The following LRP6 variants were observed in gnomAD, a reference collection of about 807,000 sequenced individuals.
LRP6 encodes the protein LDL receptor related protein 6, also known as low-density lipoprotein receptor-related protein 6.
LRP6 carries 43 observed loss-of-function variants against 184.1 expected under a neutral mutation model. The observed-to-expected ratio is 0.23, with a 90% CI of 0.18 to 0.30. The LOEUF (loss-of-function observed/expected upper bound fraction) is 0.30. Ranked by LOEUF, LRP6 falls within the 10% of genes least tolerant of loss-of-function variation. The pLI, the probability that LRP6 is intolerant of heterozygous loss-of-function variation, is 1.00. For synonymous variants in LRP6, 719 were observed against 684.9 expected, an observed-to-expected ratio of 1.05 and a Z score of -0.78; for missense variants, 1,571 against 2,005.3, an observed-to-expected ratio of 0.78 and a Z score of 4.14.
At chr12:12,204,279 C>CAAAAAAAAAA (rs61067494) in intron 2 of LRP6, among the ~76,000 whole-genome samples, 3 of 96,218 alleles carry the variant, frequency 3.1e-5, no homozygotes, top group African/African-American at 8.1e-5. Context: ...TCATAAAAGT[C>CAAAAAAAAAA]AAAAAAAAAA....
At chr12:12,189,708 C>T (rs1863563111) in intron 3 of LRP6, among the ~76,000 whole-genome samples, 1 of 152,108 alleles carries the variant, frequency 6.6e-6, no homozygotes, top group African/African-American at 2.4e-5. Flanking sequence ...ACCATGTTGA[C>T]CAGGCTGGTC....
chr12:12,249,460 C>T lies in LRP6; in HGVS notation c.56-4805G>A, dbSNP rs1379829342. ...AAAGAAAAACCACAACACAGTGTTA[C>T]AGCAATTAATCGAAAAGAAAAACCA... On this transcript the variant is annotated intron_variant, in intron 1 of 22. Coordinates refer to ENST00000261349, the MANE Select transcript of LRP6 (RefSeq NM_002336.3). 1.9e-5 allele frequency: 13 copies of T among 701,756 alleles called. No individual in the cohort carries two copies. In the Admixed American group the frequency reaches 2.6e-4, roughly 14 times the overall value. The allele number at this position is 701,756 out of a possible 1,614,324, so 43.5% of individuals were successfully genotyped here.
chr12:12,215,081 T>C (rs1201017304), intron 2 of LRP6, among the ~76,000 whole-genome samples: 1 of 152,210 alleles, frequency 6.6e-6, no homozygotes, highest in East Asian at 1.9e-4. Context: ...CCCATGGCAA[T>C]ACTTGTTGTC....
intron 13 of LRP6, among the ~76,000 whole-genome samples, chr12:12,149,746 A>C (rs1453869383): frequency 6.6e-6 from 1 of 152,226 alleles, no homozygotes; most frequent in Non-Finnish European, 1.5e-5. Context: ...AGTAAAGGCT[A>C]CAAATCAAGT....
At chr12:12,151,386 G>A (rs1681968003) in intron 12 of LRP6, among the ~76,000 whole-genome samples, 3 of 151,228 alleles carry the variant, frequency 2.0e-5, no homozygotes, top group Admixed American at 2.0e-4. Context: ...AACCTATTCT[G>A]TCTGGTGGGT....
chr12:12,136,160 C>T (rs979928820), intron 16 of LRP6, among the ~76,000 whole-genome samples: 1 of 152,042 alleles, frequency 6.6e-6, no homozygotes, highest in Admixed American at 6.6e-5. Context: ...GCACTCCAGC[C>T]TGGGCGGCAG....
chr12:12,212,684 T>C (rs550933469), intron 2 of LRP6, among the ~76,000 whole-genome samples: 130 of 152,378 alleles, frequency 8.5e-4, no homozygotes, highest in African/African-American at 3.0e-3. Context: ...TAGAATATCC[T>C]GTCACTCAAA....
intron 2 of LRP6, among the ~76,000 whole-genome samples, chr12:12,228,661 T>G (rs559687460): frequency 4.6e-5 from 7 of 152,180 alleles, no homozygotes; most frequent in Non-Finnish European, 8.8e-5. Flanking sequence ...GTCTCAGGAG[T>G]GCGAACCTTA....
intron 3 of LRP6, among the ~76,000 whole-genome samples, chr12:12,188,935 GT>G (rs1863545079): frequency 6.6e-6 from 1 of 151,954 alleles, no homozygotes; most frequent in Non-Finnish European, 1.5e-5. Context: ...AAAAAGACAA[GT>G]AACACAAATG....
intron 2 of LRP6, among the ~76,000 whole-genome samples, chr12:12,209,742 C>T (rs981843811): frequency 2.6e-5 from 4 of 152,088 alleles, no homozygotes; most frequent in African/African-American, 9.7e-5. Flanking sequence ...CCTATTAAAG[C>T]GGTGAGCACC....
intron 17 of LRP6, among the ~76,000 whole-genome samples, chr12:12,134,566 T>C (rs1423983919): frequency 6.6e-6 from 1 of 152,212 alleles, no homozygotes; most frequent in Admixed American, 6.5e-5. Flanking sequence ...AGTGATATCT[T>C]TTAAAAAATC....
chr12:12,141,423 C>T (rs114172286), intron 15 of LRP6, among the ~76,000 whole-genome samples: 1,715 of 152,184 alleles, frequency 0.011, 27 homozygotes, highest in African/African-American at 0.039. Context: ...TGAGAGAAAA[C>T]AGCTATAAAA....
intron 1 of LRP6, among the ~76,000 whole-genome samples, chr12:12,252,301 G>T (rs1700239122): frequency 6.6e-6 from 1 of 151,652 alleles, no homozygotes; most frequent in South Asian, 2.1e-4. Context: ...GATGCCTTTT[G>T]TACCAACAAC....
intron 2 of LRP6, among the ~76,000 whole-genome samples, chr12:12,236,484 C>T (rs538281490): frequency 1.3e-5 from 2 of 152,218 alleles, no homozygotes; most frequent in South Asian, 4.1e-4. Flanking sequence ...GGCGGGGTGA[C>T]GGGGGGGTTC....
chr12:12,147,114 C>G (rs1950019987), intron 15 of LRP6, among the ~76,000 whole-genome samples: 1 of 151,770 alleles, frequency 6.6e-6, no homozygotes, highest in Non-Finnish European at 1.5e-5. Flanking sequence ...AAGCAAGACT[C>G]CGTCTCAAAA....
chr12:12,259,340 G>A (rs1865555182), intron 1 of LRP6, among the ~76,000 whole-genome samples: 1 of 151,460 alleles, frequency 6.6e-6, no homozygotes, highest in Admixed American at 6.6e-5. Context: ...TAGGCCTGGT[G>A]TTAATAACTT....
At chr12:12,254,904 C>A (rs1342903466) in intron 1 of LRP6, among the ~76,000 whole-genome samples, 1 of 152,100 alleles carries the variant, frequency 6.6e-6, no homozygotes, top group Non-Finnish European at 1.5e-5. Context: ...ACAAGTGAAA[C>A]CTGATGGTCA....
intron 16 of LRP6, among the ~76,000 whole-genome samples, chr12:12,136,599 C>T (rs918101098): frequency 1.3e-5 from 2 of 152,180 alleles, no homozygotes; most frequent in African/African-American, 4.8e-5. Flanking sequence ...TGACATCTGT[C>T]GTCACAAAAT....
At chr12:12,216,971 C>T (rs185848595) in intron 2 of LRP6, among the ~76,000 whole-genome samples, 35 of 152,210 alleles carry the variant, frequency 2.3e-4, no homozygotes, top group Admixed American at 2.6e-4. Context: ...TCATTTCTCA[C>T]GGCTCTAGTA....
Sources: gnomAD v4.1 joint callset for allele counts (sites outside exome capture counted in the v4.1 genomes callset) on GRCh38, gnomAD v4.1.1 for gene constraint, MANE v1.5 for transcripts, NCBI Gene and HGNC (gene_info 2026-07-23, HGNC 2026-07-21) for gene names.